UBP1: variants seen among roughly 807,000 people sequenced by gnomAD.
The protein encoded by UBP1 is upstream-binding protein 1.
In UBP1, 22 loss-of-function variants were observed where a neutral mutation model predicts 76.1. That is an observed-to-expected ratio of 0.29 (90% CI 0.21 to 0.41). UBP1 has a LOEUF of 0.41. UBP1 is among the 10% of genes least tolerant of loss of function. UBP1 has a pLI of 1.00. For missense variants in UBP1, 436 were observed against 668.1 expected (o/e 0.65, Z 3.83); for synonymous variants, 224 against 237.1 (o/e 0.94, Z 0.51).
In UBP1 at chr3:33,394,088, C is replaced by CTCACTGTA. The variant is rs541928639; in HGVS notation, c.1391-642_1391-635dup. 4.7e-3 allele frequency among the ~76,000 whole-genome samples: 716 copies of CTCACTGTA among 152,082 alleles called. 3 individuals carry two copies. Among genetic ancestry groups the CTCACTGTA allele is most frequent in the Admixed American group, 9.2e-3 (141 of 15,274 alleles). On this transcript the variant is annotated intron_variant, in intron 13 of 15. Coordinates refer to ENST00000283629, the MANE Select transcript of UBP1 (RefSeq NM_014517.5). ...CTGGAGTGCAGTGACACAATCACAG[C>CTCACTGTA]TCACTGTAGCCTCTGCCTCCCAGGC...
intron 1 of UBP1, among the ~76,000 whole-genome samples, chr3:33,431,875 G>A (rs749028510): frequency 6.6e-6 from 1 of 152,116 alleles, no homozygotes; most frequent in African/African-American, 2.4e-5. Flanking sequence ...GATGAGTAGG[G>A]GAGGAAATGG....
intron 2 of UBP1, among the ~76,000 whole-genome samples, chr3:33,424,787 T>C (rs1261564082): frequency 6.6e-6 from 1 of 152,234 alleles, no homozygotes; most frequent in Non-Finnish European, 1.5e-5. Context: ...GGCTCACGCC[T>C]GTAATCCCAG....
At chr3:33,394,679 GGTCT>G (rs776789684) in intron 13 of UBP1, among the ~76,000 whole-genome samples, 10 of 152,008 alleles carry the variant, frequency 6.6e-5, no homozygotes, top group Non-Finnish European at 1.3e-4. Flanking sequence ...CCAAACAAGG[GGTCT>G]GTGAGTATAG....
intron 1 of UBP1, among the ~76,000 whole-genome samples, chr3:33,436,808 C>G (rs1324145563): frequency 6.6e-6 from 1 of 152,196 alleles, no homozygotes; most frequent in African/African-American, 2.4e-5. Flanking sequence ...CCATGAGTTT[C>G]AGTCTTCACT....
In UBP1 at chr3:33,426,320, C is replaced by T. The variant is rs560345080; in HGVS notation, c.114-579G>A. On this transcript the variant is annotated intron_variant, in intron 1 of 15. Transcript: ENST00000283629. ...AGAGGTAAACAGGAGCAGCAGCAGTCGCAGCAGCTGCTATTCTCCCCCTAA... is the reference window on the plus strand; with the variant it reads ...AGAGGTAAACAGGAGCAGCAGCAGTTGCAGCAGCTGCTATTCTCCCCCTAA... Among the ~76,000 whole-genome samples the T allele has an allele frequency of 3.3e-5, 5 of 152,070 alleles. No homozygotes were observed. The East Asian group carries it at 7.7e-4, about 24-fold the overall frequency.
intron 8 of UBP1, among the ~76,000 whole-genome samples, chr3:33,408,430 A>G (rs776099299): frequency 2.0e-5 from 3 of 152,120 alleles, no homozygotes; most frequent in Admixed American, 1.3e-4. Context: ...GAGGGAATAC[A>G]TATCTCTGAG....
intron 12 of UBP1, 123 bp from the exon 13 acceptor site, chr3:33,396,403 TATAC>T (rs2043998085): frequency 2.9e-6 from 2 of 693,810 alleles, no homozygotes; most frequent in Non-Finnish European, 4.7e-6. Context: ...GTTATTTCGT[TATAC>T]AAAGTAATTT....
intron 8 of UBP1, among the ~76,000 whole-genome samples, chr3:33,406,376 T>TCA (rs2044428125): frequency 6.6e-6 from 1 of 152,238 alleles, no homozygotes; most frequent in Non-Finnish European, 1.5e-5. Flanking sequence ...ATCATGGGTA[T>TCA]CACACACTGT....
chr3:33,437,824 T>C (rs1167822094), intron 1 of UBP1, among the ~76,000 whole-genome samples: 1 of 152,190 alleles, frequency 6.6e-6, no homozygotes, highest in Non-Finnish European at 1.5e-5. Flanking sequence ...TCAGATTTTC[T>C]CCTTATCGAG....
chr3:33,390,914 A>G (rs999332145), intron 15 of UBP1: 1 of 152,476 alleles, frequency 6.6e-6, no homozygotes, highest in Non-Finnish European at 1.5e-5. Context: ...AAGTTTAAAA[A>G]AAAAAACAAA....
At chr3:33,412,876 A>G in intron 3 of UBP1, 49 bp from the exon 4 acceptor site, 1 of 1,208,178 alleles carries the variant, frequency 8.3e-7, no homozygotes. Flanking sequence ...CTCCAGCTAA[A>G]ATGCAGGACC....
Position 33,390,381 on chromosome 3 carries a change from G to A in UBP1, c.1586-13C>T, listed in dbSNP as rs768980404. ...TCACTACTTTCAGCTGCAGAAAAAG[G>A]AAAGACAGTATTTCTTCAGTCAGGC... On this transcript the variant is annotated splice_polypyrimidine_tract_variant and intron_variant, in intron 15 of 15. Transcript: ENST00000283629. The A allele has an allele frequency of 4.6e-5, 74 of 1,613,656 alleles. No homozygotes were observed. In the Admixed American group the frequency reaches 8.0e-4, roughly 17 times the overall value.
intron 13 of UBP1, among the ~76,000 whole-genome samples, chr3:33,395,849 CAAA>C (rs1185296193): frequency 9.4e-6 from 1 of 105,876 alleles, no homozygotes; most frequent in Non-Finnish European, 2.1e-5. Flanking sequence ...TAAATCTGAC[CAAA>C]AAAAAAAAAA....
chr3:33,426,016 T>A (rs1278945579), intron 1 of UBP1, among the ~76,000 whole-genome samples: 4 of 97,780 alleles, frequency 4.1e-5, no homozygotes, highest in African/African-American at 1.5e-4. Flanking sequence ...TATATATATA[T>A]ATATATATAT....
intron 2 of UBP1, among the ~76,000 whole-genome samples, chr3:33,419,190 T>C (rs2044817139): frequency 6.6e-6 from 1 of 152,090 alleles, no homozygotes; most frequent in Non-Finnish European, 1.5e-5. Flanking sequence ...AGGAGCTGAC[T>C]TGAGGCAGAA....
chr3:33,419,314 G>A (rs2044820609), intron 2 of UBP1, among the ~76,000 whole-genome samples: 1 of 152,096 alleles, frequency 6.6e-6, no homozygotes, highest in African/African-American at 2.4e-5. Flanking sequence ...GACCAACATG[G>A]TGAAACCCCG....
chr3:33,393,901 C>T (rs988165895), intron 13 of UBP1, among the ~76,000 whole-genome samples: 5 of 152,146 alleles, frequency 3.3e-5, no homozygotes, highest in African/African-American at 7.2e-5. Context: ...TATATACTTA[C>T]AATGGGAGGA....
chr3:33,405,975 T>G (rs1432377888), intron 8 of UBP1, among the ~76,000 whole-genome samples: 2 of 152,206 alleles, frequency 1.3e-5, no homozygotes, highest in Admixed American at 6.5e-5. Flanking sequence ...GAAAAATGAT[T>G]GCAGACTTAT....
At chr3:33,424,261 T>C (rs566791104) in intron 2 of UBP1, among the ~76,000 whole-genome samples, 13 of 152,338 alleles carry the variant, frequency 8.5e-5, no homozygotes, top group Admixed American at 5.2e-4. Context: ...AAACAGGGAA[T>C]TGTCACAAGT....
Sources: allele counts gnomAD v4.1 joint callset (sites outside exome capture counted in the v4.1 genomes callset), GRCh38; gene constraint gnomAD v4.1.1; transcripts MANE v1.5; gene names NCBI Gene and HGNC (gene_info 2026-07-23, HGNC 2026-07-21).